Variants in HSF2BP observed in about 807,000 individuals in gnomAD.
HSF2BP encodes heat shock transcription factor 2 binding protein.
Under a neutral mutation model 35.0 loss-of-function variants are expected in HSF2BP, and 35 were observed. The observed-to-expected ratio is 1.00, with a 90% confidence interval of 0.76 to 1.32. The LOEUF (loss-of-function observed/expected upper bound fraction) is 1.32. Ranked by LOEUF, HSF2BP falls within the 40% of genes most tolerant of loss-of-function variation. The pLI is 0.00. For missense variants in HSF2BP, 326 were observed against 321.7 expected, an observed-to-expected ratio of 1.01 and a Z score of -0.10; for synonymous variants, 114 against 117.4, an observed-to-expected ratio of 0.97 and a Z score of 0.18.
chr21:43,629,062 A>T (rs995562557), intron 6 of HSF2BP, among the ~76,000 whole-genome samples: 1 of 152,226 alleles, frequency 6.6e-6, no homozygotes, highest in African/African-American at 2.4e-5. Context: ...AGGTACAAGG[A>T]AAGTAATGTT....
chr21:43,658,302 G>A lies in HSF2BP; in HGVS notation c.-206C>T, dbSNP rs2082909311. The A allele has an allele frequency of 6.8e-6, 4 of 588,818 alleles. No individual in the cohort carries two copies. The highest frequency in any genetic ancestry group is 7.1e-5 in the Admixed American group (2 of 28,354). The allele number at this position is 588,818 out of a possible 1,614,324, so 36.5% of individuals were successfully genotyped here. A position where few individuals can be genotyped will look rare whatever the true frequency, so the allele number is the denominator to read the frequency against. On this transcript the variant is annotated 5_prime_UTR_variant, in exon 2 of 9. Transcript: ENST00000291560. ...CCTCTTTGGCTCTTCTGGCTTAGCC[G>A]GGGTTTTAAACTTGTTATCTGCAAA...
At chr21:43,572,876 T>C (rs952581784) in intron 8 of HSF2BP, among the ~76,000 whole-genome samples, 2 of 152,242 alleles carry the variant, frequency 1.3e-5, no homozygotes, top group African/African-American at 4.8e-5. Flanking sequence ...GCTATAAAAC[T>C]TTTGGATTAC....
At chr21:43,576,645 C>CA (rs1440049302) in intron 8 of HSF2BP, among the ~76,000 whole-genome samples, 1 of 152,174 alleles carries the variant, frequency 6.6e-6, no homozygotes, top group Non-Finnish European at 1.5e-5. Flanking sequence ...AAGGATGACA[C>CA]AGTTATAATC....
intron 3 of HSF2BP, among the ~76,000 whole-genome samples, chr21:43,653,975 CA>C (rs2082832037): frequency 1.3e-5 from 2 of 151,950 alleles, no homozygotes; most frequent in African/African-American, 2.4e-5. Context: ...CAGTGTAAGA[CA>C]GGGGCAGGGA....
intron 7 of HSF2BP, among the ~76,000 whole-genome samples, chr21:43,593,332 T>A (rs2081949443): frequency 6.6e-6 from 1 of 152,192 alleles, no homozygotes; most frequent in Admixed American, 6.5e-5. Flanking sequence ...AGACCTGGGA[T>A]AGAAGCTCCC....
intron 7 of HSF2BP, among the ~76,000 whole-genome samples, chr21:43,611,477 G>A (rs1173202877): frequency 1.3e-5 from 2 of 152,204 alleles, no homozygotes; most frequent in Admixed American, 1.3e-4. Context: ...GGCAGATAGG[G>A]GAAGAAGATC....
At chr21:43,592,025 T>C (rs978004832) in intron 8 of HSF2BP, among the ~76,000 whole-genome samples, 200 bp downstream of exon 8, 2 of 152,354 alleles carry the variant, frequency 1.3e-5, no homozygotes, top group African/African-American at 2.4e-5. Flanking sequence ...TTATTAGTTG[T>C]TGATAACCTC....
At chr21:43,587,625 A>G (rs182000828) in intron 8 of HSF2BP, among the ~76,000 whole-genome samples, 3 of 146,208 alleles carry the variant, frequency 2.1e-5, no homozygotes, top group Admixed American at 7.1e-5. Flanking sequence ...AGATCACACC[A>G]TTGCACTCCA....
chr21:43,575,837 G>A (rs1293672913), intron 8 of HSF2BP, among the ~76,000 whole-genome samples: 5 of 152,182 alleles, frequency 3.3e-5, no homozygotes, highest in East Asian at 1.9e-4. Flanking sequence ...TTCAAAAGTC[G>A]GCCAGGCGCA....
At chr21:43,638,231 G>T (rs1423557458) in intron 4 of HSF2BP, among the ~76,000 whole-genome samples, 1 of 152,140 alleles carries the variant, frequency 6.6e-6, no homozygotes, top group Non-Finnish European at 1.5e-5. Flanking sequence ...ACCAAGGCAG[G>T]CGGATCACTT....
At chr21:43,650,370 C>T (rs2082767296) in intron 3 of HSF2BP, among the ~76,000 whole-genome samples, 1 of 152,030 alleles carries the variant, frequency 6.6e-6, no homozygotes, top group Non-Finnish European at 1.5e-5. Flanking sequence ...CCATGCCCGG[C>T]TAATTTTTGT....
chr21:43,622,420 G>A (rs2082340892), intron 6 of HSF2BP, among the ~76,000 whole-genome samples: 1 of 152,094 alleles, frequency 6.6e-6, no homozygotes, highest in Non-Finnish European at 1.5e-5. Context: ...ACTACATGCT[G>A]CCTACAAGAA....
intron 6 of HSF2BP, among the ~76,000 whole-genome samples, chr21:43,629,422 G>A (rs995511665): frequency 6.6e-6 from 1 of 152,122 alleles, no homozygotes; most frequent in African/African-American, 2.4e-5. Context: ...AAAATTAGCT[G>A]GGCATGGTGG....
At chr21:43,586,724 T>C (rs2081855735) in intron 8 of HSF2BP, among the ~76,000 whole-genome samples, 1 of 150,930 alleles carries the variant, frequency 6.6e-6, no homozygotes, top group South Asian at 2.1e-4. Context: ...CTTATTAAAA[T>C]ACATCAAATT....
chr21:43,627,967 G>T (rs939444232), intron 6 of HSF2BP, among the ~76,000 whole-genome samples: 1 of 151,954 alleles, frequency 6.6e-6, no homozygotes, highest in Non-Finnish European at 1.5e-5. Flanking sequence ...TTGTTTTAGG[G>T]CACCATGAGC....
chr21:43,589,712 A>C (rs1004185555), intron 8 of HSF2BP, among the ~76,000 whole-genome samples: 4 of 152,214 alleles, frequency 2.6e-5, no homozygotes, highest in African/African-American at 7.2e-5. Flanking sequence ...CTTCACATGT[A>C]TTGTCAACTG....
intron 3 of HSF2BP, among the ~76,000 whole-genome samples, chr21:43,656,300 G>C (rs2082867062): frequency 6.6e-6 from 1 of 152,168 alleles, no homozygotes; most frequent in Non-Finnish European, 1.5e-5. Flanking sequence ...TTTCAGAATA[G>C]AGCTTTTCAG....
At chr21:43,586,832 C>T (rs2081857312) in intron 8 of HSF2BP, among the ~76,000 whole-genome samples, 1 of 151,406 alleles carries the variant, frequency 6.6e-6, no homozygotes, top group South Asian at 2.1e-4. Context: ...TGAAGTTTCA[C>T]TCTTGTTGCC....
At chr21:43,593,547 A>C (rs2081952020) in intron 7 of HSF2BP, among the ~76,000 whole-genome samples, 1 of 152,246 alleles carries the variant, frequency 6.6e-6, no homozygotes, top group Non-Finnish European at 1.5e-5. Flanking sequence ...TATCAACTGC[A>C]GAATATAAAA....
Sources: gnomAD v4.1 joint callset for allele counts (sites outside exome capture counted in the v4.1 genomes callset) on GRCh38, gnomAD v4.1.1 for gene constraint, MANE v1.5 for transcripts, NCBI Gene and HGNC (gene_info 2026-07-23, HGNC 2026-07-21) for gene names.